The following HERPUD2 variants were observed in gnomAD, a reference collection of about 807,000 sequenced individuals.
HERPUD2 encodes HERPUD family member 2.
HERPUD2 carries 13 observed loss-of-function variants against 49.9 expected under a neutral mutation model. The observed-to-expected ratio is 0.26, with a 90% confidence interval of 0.17 to 0.41. The LOEUF (loss-of-function observed/expected upper bound fraction) is 0.41, where lower values mean the gene tolerates loss of function less well. HERPUD2 is among the 10% of genes least tolerant of loss of function. The pLI is 1.00. For synonymous variants in HERPUD2, 172 were observed against 171.4 expected, an observed-to-expected ratio of 1.00 and a Z score of -0.03; for missense variants, 449 against 492.2, an observed-to-expected ratio of 0.91 and a Z score of 0.83.
intron 5 of HERPUD2, among the ~76,000 whole-genome samples, chr7:35,650,978 C>T (rs1173667608): frequency 6.6e-6 from 1 of 152,150 alleles, no homozygotes; most frequent in African/African-American, 2.4e-5. Flanking sequence ...TTGCACCATC[C>T]ACAACTGTTG....
At chr7:35,642,607 A>G (rs1784983498) in intron 5 of HERPUD2, among the ~76,000 whole-genome samples, 1 of 152,238 alleles carries the variant, frequency 6.6e-6, no homozygotes, top group Non-Finnish European at 1.5e-5. Context: ...CATATACACC[A>G]TGGAACACTA....
intron 2 of HERPUD2, among the ~76,000 whole-genome samples, chr7:35,693,858 G>A (rs1786249729): frequency 6.6e-6 from 1 of 152,096 alleles, no homozygotes; most frequent in South Asian, 2.1e-4. Context: ...GGCTGGTCTC[G>A]AACTCCTGAC....
In HERPUD2 at chr7:35,690,513, CA is replaced by C. The variant is rs1378258188; in HGVS notation, c.147+3670del. ...AAGTCATCAGTGCAAACATTAACTC[CA>C]AAAGAATAGTTAAGGCCGGGAGTGG... On this transcript the variant is annotated intron_variant, in intron 2 of 8. Coordinates refer to ENST00000311350, the MANE Select transcript of HERPUD2 (RefSeq NM_022373.5). 2.6e-5 allele frequency among the ~76,000 whole-genome samples: 4 copies of C among 152,268 alleles called. No homozygotes were observed. In the East Asian group the frequency reaches 7.7e-4, roughly 29 times the overall value.
At chr7:35,669,761 T>A (rs1202855999) in intron 4 of HERPUD2, among the ~76,000 whole-genome samples, 26 of 152,136 alleles carry the variant, frequency 1.7e-4, no homozygotes, top group Admixed American at 1.7e-3. Flanking sequence ...CAGTCATTTT[T>A]AAAAAACAAA....
chr7:35,640,402 A>T (rs1784951159), intron 5 of HERPUD2, among the ~76,000 whole-genome samples: 1 of 152,194 alleles, frequency 6.6e-6, no homozygotes, highest in South Asian at 2.1e-4. Flanking sequence ...TTAAAGCTCA[A>T]GGGAGAAAAG....
chr7:35,644,501 C>CTCA (rs1785016811), intron 5 of HERPUD2, among the ~76,000 whole-genome samples: 1 of 152,204 alleles, frequency 6.6e-6, no homozygotes, highest in African/African-American at 2.4e-5. Context: ...GGGGCAGTGG[C>CTCA]TCATGCCTGT....
At chr7:35,670,354 A>C (rs748917249) in intron 3 of HERPUD2, 26 bp from the exon 4 acceptor site, 3 of 1,119,432 alleles carry the variant, frequency 2.7e-6, no homozygotes, top group Non-Finnish European at 3.7e-6. Context: ...ATTACATTTA[A>C]AGGGTAGTAC....
At chr7:35,692,319 A>G (rs1246049134) in intron 2 of HERPUD2, among the ~76,000 whole-genome samples, 1 of 152,172 alleles carries the variant, frequency 6.6e-6, no homozygotes. Flanking sequence ...CTTTTTTTTA[A>G]AAAAGCTTTA....
At chr7:35,671,029 G>C (rs577789385) in intron 3 of HERPUD2, among the ~76,000 whole-genome samples, 3 of 152,010 alleles carry the variant, frequency 2.0e-5, no homozygotes, top group Non-Finnish European at 4.4e-5. Context: ...GGAGGACAGA[G>C]AACAATGAAG....
At chr7:35,639,731 C>T (rs553920378) in intron 5 of HERPUD2, among the ~76,000 whole-genome samples, 13 of 152,266 alleles carry the variant, frequency 8.5e-5, no homozygotes, top group African/African-American at 2.9e-4. Flanking sequence ...TTTACACATA[C>T]AATTGGTAAT....
At chr7:35,655,723 C>G (rs1430424919) in intron 5 of HERPUD2, among the ~76,000 whole-genome samples, 2 of 152,034 alleles carry the variant, frequency 1.3e-5, no homozygotes, top group Non-Finnish European at 2.9e-5. Context: ...GAAAAGGCAG[C>G]CAAATTGGAA....
intron 2 of HERPUD2, among the ~76,000 whole-genome samples, chr7:35,684,600 C>T (rs1184673852): frequency 2.6e-5 from 4 of 152,044 alleles, no homozygotes; most frequent in Admixed American, 6.5e-5. Flanking sequence ...TTGCAGCAAC[C>T]TGGATGAGAC....
intron 5 of HERPUD2, among the ~76,000 whole-genome samples, chr7:35,661,719 G>C (rs1785426147): frequency 6.6e-6 from 1 of 152,194 alleles, no homozygotes; most frequent in Non-Finnish European, 1.5e-5. Context: ...TTTGCACATT[G>C]ATTTTGTATC....
intron 2 of HERPUD2, among the ~76,000 whole-genome samples, chr7:35,673,951 GAAATT>G (rs1743294612): frequency 6.6e-6 from 1 of 152,090 alleles, no homozygotes; most frequent in Non-Finnish European, 1.5e-5. Context: ...ACCAGAATAT[GAAATT>G]ACGTAAAATT....
At chr7:35,689,652 T>C (rs1393524409) in intron 2 of HERPUD2, among the ~76,000 whole-genome samples, 1 of 152,200 alleles carries the variant, frequency 6.6e-6, no homozygotes, top group East Asian at 1.9e-4. Flanking sequence ...TTAATTCTAA[T>C]AGAATCTGAG....
intron 2 of HERPUD2, among the ~76,000 whole-genome samples, chr7:35,681,053 C>T (rs1785878761): frequency 6.6e-6 from 1 of 152,162 alleles, no homozygotes; most frequent in Admixed American, 6.5e-5. Context: ...ATGAAATATT[C>T]AGTCTATGAA....
At chr7:35,662,817 A>C (rs1785452954) in intron 5 of HERPUD2, among the ~76,000 whole-genome samples, 2 of 152,236 alleles carry the variant, frequency 1.3e-5, no homozygotes, top group South Asian at 4.1e-4. Context: ...TTTTCAAAAA[A>C]CCAGCTCCTG....
chr7:35,678,725 A>T (rs1361881620), intron 2 of HERPUD2, among the ~76,000 whole-genome samples: 3 of 152,226 alleles, frequency 2.0e-5, no homozygotes, highest in African/African-American at 7.2e-5. Flanking sequence ...AACATAAGTT[A>T]TCTAACTTAT....
chr7:35,638,892 T>TA (rs1320539002), intron 5 of HERPUD2, among the ~76,000 whole-genome samples: 18 of 152,238 alleles, frequency 1.2e-4, no homozygotes, highest in African/African-American at 4.3e-4. Flanking sequence ...ATATTAGTAA[T>TA]AAACTATTAT....
Sources: allele counts gnomAD v4.1 joint callset (sites outside exome capture counted in the v4.1 genomes callset), GRCh38; gene constraint gnomAD v4.1.1; transcripts MANE v1.5; gene names NCBI Gene and HGNC (gene_info 2026-07-23, HGNC 2026-07-21).